The following ATN1 variants were observed in gnomAD, a reference collection of about 807,000 sequenced individuals.
ATN1 encodes atrophin 1, also known as atrophin-1.
ATN1 carries 19 observed loss-of-function variants against 85.8 expected under a neutral mutation model. That is an observed-to-expected ratio of 0.22 (90% CI 0.15 to 0.32). The LOEUF (loss-of-function observed/expected upper bound fraction) is 0.32, where lower values mean the gene tolerates loss of function less well. ATN1 is among the 10% of genes least tolerant of loss of function. The pLI is 1.00. For missense variants in ATN1, 1,453 were observed against 1,564.5 expected (o/e 0.93, Z 1.20); for synonymous variants, 674 against 657.0 (o/e 1.03, Z -0.39).
chr12:6,934,388 C>T lies in ATN1; in HGVS notation c.165+75C>T. ...AGGGTGTGTGTGTGTTGTGGGGGAA[C>T]TTCCTGTTTGGCAGAGGGTAACGGT... is the stretch of plus-strand genomic sequence containing the variant. On this transcript the variant is annotated intron_variant, in intron 3 of 9. Coordinates refer to ENST00000396684, the MANE Select transcript of ATN1 (RefSeq NM_001940.4). This position sits in a 1 kb window ranked among gnomAD's most constrained non-coding sequence, Gnocchi z 4.5. 1 of 1,602,286 alleles carries T rather than the reference C, an allele frequency of 6.2e-7. No individual in the cohort carries two copies. The highest frequency in any genetic ancestry group is 8.5e-7 in the Non-Finnish European group (1 of 1,173,590).
intron 1 of ATN1, among the ~76,000 whole-genome samples, chr12:6,932,826 G>C (rs782789340): frequency 2.0e-5 from 3 of 152,184 alleles, no homozygotes; most frequent in Admixed American, 2.0e-4. Flanking sequence ...GATTGGTAGG[G>C]CTGTGTTCCT....
Position 6,934,040 on chromosome 12 carries a change from T to A in ATN1, c.27+12T>A, listed in dbSNP as rs1404170424. On this transcript the variant is annotated intron_variant, in intron 2 of 9. Coordinates refer to ENST00000396684, the MANE Select transcript of ATN1 (RefSeq NM_001940.4). This position sits in a 1 kb window ranked among gnomAD's most constrained non-coding sequence, Gnocchi z 4.5. ...AGAATAAAGACTCGGTGAGTTAAAA[T>A]GAGAGACATGAAAGATGAGGGGCGG... 17 of 1,609,010 alleles carry A rather than the reference T, an allele frequency of 1.1e-5. No homozygotes were observed. Among genetic ancestry groups the A allele is most frequent in the Non-Finnish European group, 1.4e-5 (16 of 1,177,950 alleles).
chr12:6,941,614 G>A lies in ATN1; in HGVS notation c.3539+60G>A. ...CTCAGCGAGCCTGGGAGGAGCTGTG[G>A]GCATGGTACGGCTGGGCACCGTGCT... On this transcript the variant is annotated intron_variant, in intron 9 of 9. Transcript: ENST00000396684. This position sits in a 1 kb window ranked among gnomAD's most constrained non-coding sequence, Gnocchi z 5.9. The A allele has an allele frequency of 1.2e-6, 2 of 1,604,300 alleles. No homozygotes were observed. Among genetic ancestry groups the A allele is most frequent in the Non-Finnish European group, 8.5e-7 (1 of 1,172,220 alleles).
Position 6,938,697 on chromosome 12 carries a change from G to T in ATN1, c.2734G>T (p.Asp912Tyr). 2 of 1,614,098 alleles carry T rather than the reference G, an allele frequency of 1.2e-6. No individual in the cohort carries two copies. Among genetic ancestry groups the T allele is most frequent in the Non-Finnish European group, 1.7e-6 (2 of 1,180,032 alleles). Reference protein sequence around the residue: ...HPFYVPLGAVDPGLLGYNVPA... With the variant: ...HPFYVPLGAVYPGLLGYNVPA... ...ATTCTACGTGCCCCTGGGGGCAGTG[G>T]ACCCGGGGCTCCTGGGTTACAATGT... Residue 912 changes from aspartate (D) to tyrosine (Y), a missense_variant, in exon 7 of 10, where the codon GAC becomes TAC. Asp to Tyr is a radical substitution (Grantham distance 160). Coordinates refer to ENST00000396684, the MANE Select transcript of ATN1 (RefSeq NM_001940.4).
Position 6,934,681 on chromosome 12 carries a change from G to C in ATN1, c.279+103G>C. ...GCTGGATCTCTCCTGGGACATAAGA[G>C]AAAGGCCAGATCATAGTGCTTATGA... On this transcript the variant is annotated intron_variant, in intron 4 of 9. Coordinates refer to ENST00000396684, the MANE Select transcript of ATN1 (RefSeq NM_001940.4). This position sits in a 1 kb window ranked among gnomAD's most constrained non-coding sequence, Gnocchi z 4.5. 1 of 844,162 alleles carries C rather than the reference G, an allele frequency of 1.2e-6. No homozygotes were observed. The highest frequency in any genetic ancestry group is 1.9e-6 in the Non-Finnish European group (1 of 518,820). 52.3% of individuals were successfully genotyped at this position (844,162 alleles called of 1,614,324 possible).
intron 1 of ATN1, among the ~76,000 whole-genome samples, chr12:6,930,860 T>A (rs1203652901): frequency 2.0e-5 from 3 of 152,150 alleles, no homozygotes; most frequent in African/African-American, 7.2e-5. Context: ...GTGAATGTGC[T>A]TAGTATGTGG....
At position 6,936,695 on chromosome 12, in the gene ATN1, C is replaced by A; in HGVS notation, c.1428C>A (p.Val476=). 1 of 1,612,636 alleles carries A rather than the reference C, an allele frequency of 6.2e-7. No individual in the cohort carries two copies. Among genetic ancestry groups the A allele is most frequent in the Non-Finnish European group, 8.5e-7 (1 of 1,179,560 alleles). Residue 476 remains valine, a synonymous_variant, in exon 5 of 10, where the codon GTC becomes GTA. Transcript: ENST00000396684. ...CCCAGTCCACCGCCCACCCACCAGT[C>A]TCAACACATCACCATCACCACCAGC... ...TGAQSTAHPP[V]STHHHHHQQQ... is the part of the protein sequence containing the mutation.
Position 6,941,588 on chromosome 12 carries a change from G to A in ATN1, c.3539+34G>A, listed in dbSNP as rs1555144658. The A allele has an allele frequency of 6.2e-7, 1 of 1,610,750 alleles. No homozygotes were observed. On this transcript the variant is annotated intron_variant, in intron 9 of 9. Coordinates refer to ENST00000396684, the MANE Select transcript of ATN1 (RefSeq NM_001940.4). The surrounding 1 kb of genome is among the most constrained non-coding windows in gnomAD (Gnocchi z 5.9). ...GGGTGCCCCAGCCCAGGGGACATGGGCTCAGCGAGCCTGGGAGGAGCTGTG... is the reference window on the plus strand; with the variant it reads ...GGGTGCCCCAGCCCAGGGGACATGGACTCAGCGAGCCTGGGAGGAGCTGTG...
Position 6,937,024 on chromosome 12 carries a change from C to T in ATN1, c.1757C>T (p.Ser586Leu), listed in dbSNP as rs782082901. The T allele has an allele frequency of 8.4e-5, 135 of 1,613,846 alleles. 1 individual carries two copies. In the South Asian group the frequency reaches 1.4e-3, roughly 17 times the overall value. The change falls in exon 5 of 10, where the codon TCA (serine) becomes TTA (leucine). Residue 586 changes from serine to leucine, a missense_variant. By Grantham distance (145) the Ser-to-Leu change is moderately radical (BLOSUM62 -2). Around this residue, in one of 6 missense-constraint regions of ATN1, gnomAD observed 990 missense variants for 914.8 expected, o/e 1.08. Transcript: ENST00000396684. The surrounding 1 kb of genome is among the most constrained non-coding windows in gnomAD (Gnocchi z 6.0). Reference protein sequence around the residue: ...SSTSQGSYPCSHPSPSQGPQG... With the variant: ...SSTSQGSYPCLHPSPSQGPQG... ...ACTTCTCAAGGGTCCTACCCATGTT[C>T]ACACCCCTCCCCTTCCCAGGGCCCT...
Position 6,942,042 on chromosome 12 carries a change from C to G in ATN1, c.*262C>G. ...GACCAGGTCTCTCTTCCTTGTCCCC[C>G]CTGCTTTTCTCCTCCCCCATGCCCA... On this transcript the variant is annotated 3_prime_UTR_variant, in exon 10 of 10. Transcript: ENST00000396684. The G allele has an allele frequency of 1.8e-6, 1 of 541,576 alleles. No individual in the cohort carries two copies. 33.5% of individuals were successfully genotyped at this position (541,576 alleles called of 1,614,324 possible). A position where few individuals can be genotyped will look rare whatever the true frequency, so the allele number is the denominator to read the frequency against.
chr12:6,927,713 T>C (rs1745925796), upstream of ATN1, among the ~76,000 whole-genome samples: 1 of 146,888 alleles, frequency 6.8e-6, no homozygotes, highest in Admixed American at 6.7e-5. Flanking sequence ...TCCTGGCCCC[T>C]CTCTCCTCCG....
At position 6,928,212 on chromosome 12, in the gene ATN1, G is replaced by C. The variant is rs1366154192; in HGVS notation, c.-335G>C. On this transcript the variant is annotated 5_prime_UTR_variant, in exon 1 of 10. Coordinates refer to ENST00000396684, the MANE Select transcript of ATN1 (RefSeq NM_001940.4). ...GCGATTGGGGCCAGGCGGGGAAAAG[G>C]GGGGATGGGGGCCGCCCTCCGGGGG... 4.7e-5 allele frequency: 7 copies of C among 148,300 alleles called. No individual in the cohort carries two copies. In the South Asian group the frequency reaches 1.1e-3, roughly 22 times the overall value. 9.2% of individuals were successfully genotyped at this position (148,300 alleles called of 1,614,324 possible).
chr12:6,937,651 G>A lies in ATN1; in HGVS notation c.2294+90G>A. 1 of 1,430,354 alleles carries A rather than the reference G, an allele frequency of 7.0e-7. No individual in the cohort carries two copies. The allele number at this position is 1,430,354 out of a possible 1,614,324, so 88.6% of individuals were successfully genotyped here. A position where few individuals can be genotyped will look rare whatever the true frequency, so the allele number is the denominator to read the frequency against. On this transcript the variant is annotated intron_variant, in intron 5 of 9. Coordinates refer to ENST00000396684, the MANE Select transcript of ATN1 (RefSeq NM_001940.4). This position sits in a 1 kb window ranked among gnomAD's most constrained non-coding sequence, Gnocchi z 6.0. ...AGGGAGTAGCAGGGAGGGGCCTTGC[G>A]CTGGTGTAGTGTTTTAGAAAAGCAC...
rs1459290431 is a variant in ATN1, at chr12:6,937,680, C to T, written c.2294+119C>T. On this transcript the variant is annotated intron_variant, in intron 5 of 9. Coordinates refer to ENST00000396684, the MANE Select transcript of ATN1 (RefSeq NM_001940.4). The surrounding 1 kb of genome is among the most constrained non-coding windows in gnomAD (Gnocchi z 6.0). The stretch of plus-strand genomic sequence containing the variant: ...GTGTAGTGTTTTAGAAAAGCACGCC[C>T]CTCTCCTCCGTCCAGGCCTAGTGGC... The T allele has an allele frequency of 2.1e-6, 3 of 1,429,896 alleles. No individual in the cohort carries two copies. Among genetic ancestry groups the T allele is most frequent in the South Asian group, 1.5e-5 (1 of 67,894 alleles). 88.6% of individuals were successfully genotyped at this position (1,429,896 alleles called of 1,614,324 possible).
In ATN1 at chr12:6,937,328, G is replaced by T. The variant is rs782409208; in HGVS notation, c.2061G>T (p.Pro687=). The T allele has an allele frequency of 4.5e-6, 7 of 1,563,476 alleles. No individual in the cohort carries two copies. Among genetic ancestry groups the T allele is most frequent in the Middle Eastern group, 3.3e-4 (2 of 5,994 alleles). Residue 687 remains proline, a synonymous_variant, in exon 5 of 10, where the codon CCG becomes CCT. Coordinates refer to ENST00000396684, the MANE Select transcript of ATN1 (RefSeq NM_001940.4). The surrounding 1 kb of genome is among the most constrained non-coding windows in gnomAD (Gnocchi z 6.0). ...CTGCAGGCCCAGGGACCTTCAAGCCGGGCTCGCCCACCGTGGGACCTGGGC... is the reference window on the plus strand; with the variant it reads ...CTGCAGGCCCAGGGACCTTCAAGCCTGGCTCGCCCACCGTGGGACCTGGGC... ...SPPAGPGTFK[P]GSPTVGPGPL...
Position 6,937,180 on chromosome 12 carries a change from C to T in ATN1, c.1913C>T (p.Pro638Leu), listed in dbSNP as rs1945555516. 1 of 1,611,278 alleles carries T rather than the reference C, an allele frequency of 6.2e-7. No homozygotes were observed. The highest frequency in any genetic ancestry group is 2.2e-5 in the East Asian group (1 of 44,850). Residue 638 changes from proline (P) to leucine (L), a missense_variant, in exon 5 of 10, where the codon CCG becomes CTG. Around this residue, in one of 6 missense-constraint regions of ATN1, gnomAD observed 990 missense variants for 914.8 expected, o/e 1.08. Coordinates refer to ENST00000396684, the MANE Select transcript of ATN1 (RefSeq NM_001940.4). This position sits in a 1 kb window ranked among gnomAD's most constrained non-coding sequence, Gnocchi z 6.0. Reference protein sequence around the residue: ...YKTASPPGPPPYGKRAPSPGA... With the variant: ...YKTASPPGPPLYGKRAPSPGA... ...ACGGCCTCCCCACCTGGGCCCCCAC[C>T]GTACGGAAAGAGAGCCCCGTCCCCG...
chr12:6,936,956 C>T lies in ATN1; in HGVS notation c.1689C>T (p.Pro563=). ...HSQVSYSQAG[P]NGPPVSSSSN... Reference sequence around the variant, plus strand: ...AGGTGTCCTACAGCCAAGCAGGCCCCAATGGCCCTCCAGTCTCTTCCTCTT... The same window carrying T: ...AGGTGTCCTACAGCCAAGCAGGCCCTAATGGCCCTCCAGTCTCTTCCTCTT... Residue 563 remains proline (P), a synonymous_variant, in exon 5 of 10, where the codon CCC becomes CCT. Transcript: ENST00000396684. The T allele has an allele frequency of 6.2e-7, 1 of 1,613,974 alleles. No homozygotes were observed. The highest frequency in any genetic ancestry group is 8.5e-7 in the Non-Finnish European group (1 of 1,179,934).
In ATN1 at chr12:6,936,118, A is replaced by G. The variant is rs782269103; in HGVS notation, c.851A>G (p.Asn284Ser). 6.5e-7 allele frequency: 1 copy of G among 1,530,068 alleles called. No homozygotes were observed. The highest frequency in any genetic ancestry group is 1.3e-5 in the South Asian group (1 of 77,048). The allele number at this position is 1,530,068 out of a possible 1,614,324, so 94.8% of individuals were successfully genotyped here. ...KPPTTPVGGGNLPSAPPPANF... is the reference protein window; with the variant it reads ...KPPTTPVGGGSLPSAPPPANF... ...CCTACCACTCCAGTGGGTGGTGGGA[A>G]CCTACCTTCTGCTCCACCACCAGCC... The change falls in exon 5 of 10, where the codon AAC (asparagine) becomes AGC (serine). Residue 284 changes from asparagine (N) to serine (S), a missense_variant. This residue lies in a region of ATN1 where 990 missense variants were observed against 914.8 expected (regional missense o/e 1.08). Transcript: ENST00000396684.
rs1555143470 is a variant in ATN1 at position 6,935,786 on chromosome 12, C to T, written c.519C>T (p.Asp173=). ...PLFPPSPQPP[D]STPRQPEASF... ...TTCCTCCTTCCCCTCAACCGCCAGACAGCACCCCTCGACAGCCAGAGGCTA... is the reference window on the plus strand; with the variant it reads ...TTCCTCCTTCCCCTCAACCGCCAGATAGCACCCCTCGACAGCCAGAGGCTA... The change falls in exon 5 of 10, where the codon GAC becomes GAT. Residue 173 remains aspartate, a synonymous_variant. Coordinates refer to ENST00000396684, the MANE Select transcript of ATN1 (RefSeq NM_001940.4). This position sits in a 1 kb window ranked among gnomAD's most constrained non-coding sequence, Gnocchi z 5.3. 1.2e-6 allele frequency: 2 copies of T among 1,613,892 alleles called. No individual in the cohort carries two copies. Among genetic ancestry groups the T allele is most frequent in the African/African-American group, 1.3e-5 (1 of 75,008 alleles).
Sources: allele counts gnomAD v4.1 joint callset (sites outside exome capture counted in the v4.1 genomes callset), GRCh38; gene constraint gnomAD v4.1.1; regional missense constraint gnomAD v4.1.1; non-coding constraint Gnocchi (gnomAD v3.1); transcripts MANE v1.5; gene names NCBI Gene and HGNC (gene_info 2026-07-23, HGNC 2026-07-21).